SPAG16: variants seen among roughly 807,000 people sequenced by gnomAD.
The protein encoded by SPAG16 is sperm-associated antigen 16 protein.
A neutral mutation model predicts 80.4 loss-of-function variants in SPAG16; 86 were observed. The observed-to-expected ratio is 1.07, with a 90% CI of 0.90 to 1.28. The LOEUF is 1.28. SPAG16 is among the 50% of genes most tolerant of loss of function. SPAG16 has a pLI of 0.00. For missense variants in SPAG16, 870 were observed against 765.3 expected (o/e 1.14, Z -1.61); for synonymous variants, 294 against 265.9 (o/e 1.11, Z -1.03).
At chr2:214,062,017 A>ACG (rs1559748692) in intron 13 of SPAG16, among the ~76,000 whole-genome samples, 14 of 146,820 alleles carry the variant, frequency 9.5e-5, no homozygotes, top group Non-Finnish European at 1.8e-4. Flanking sequence ...ACACACACAC[A>ACG]CACGCAGTGT....
At chr2:213,975,606 A>T (rs1414348372) in intron 12 of SPAG16, among the ~76,000 whole-genome samples, 1 of 152,012 alleles carries the variant, frequency 6.6e-6, no homozygotes, top group African/African-American at 2.4e-5. Flanking sequence ...TCATATCAAT[A>T]ATAATGTAGC....
At chr2:213,718,165 A>AG (rs1553615703) in intron 10 of SPAG16, among the ~76,000 whole-genome samples, 30 of 151,304 alleles carry the variant, frequency 2.0e-4, no homozygotes, top group African/African-American at 4.8e-4. Flanking sequence ...AAAAAAAAAA[A>AG]AAAAGAAAAC....
chr2:213,549,504 C>T (rs1442932705), intron 10 of SPAG16, among the ~76,000 whole-genome samples: 4 of 152,146 alleles, frequency 2.6e-5, no homozygotes, highest in African/African-American at 7.2e-5. Flanking sequence ...TTGATTCTGA[C>T]TACTAAAAAT....
At chr2:213,709,215 A>T (rs1475915367) in intron 10 of SPAG16, among the ~76,000 whole-genome samples, 1 of 152,190 alleles carries the variant, frequency 6.6e-6, no homozygotes, top group Non-Finnish European at 1.5e-5. Context: ...CAAAGTTGAA[A>T]CATCAAGTAA....
chr2:213,544,538 C>T (rs191181818), intron 10 of SPAG16, among the ~76,000 whole-genome samples: 52 of 152,060 alleles, frequency 3.4e-4, no homozygotes, highest in African/African-American at 9.2e-4. Flanking sequence ...CACCAAAAGT[C>T]GTAGTTTACA....
intron 15 of SPAG16, among the ~76,000 whole-genome samples, chr2:214,303,455 C>A (rs1333704860): frequency 6.6e-6 from 1 of 152,128 alleles, no homozygotes; most frequent in Non-Finnish European, 1.5e-5. Flanking sequence ...GCCCTTATTT[C>A]TTTGAGCTTA....
chr2:213,802,395 CTCTATCTATCTATCTA>C (rs58879510), intron 10 of SPAG16, among the ~76,000 whole-genome samples: 22,484 of 148,074 alleles, frequency 0.15, 2,067 homozygotes, highest in South Asian at 0.22. Context: ...TGATTCATGT[CTCTATCTATCTATCTA>C]TCTATCTATC....
At chr2:213,645,985 G>C (rs1574632160) in intron 10 of SPAG16, among the ~76,000 whole-genome samples, 4 of 152,276 alleles carry the variant, frequency 2.6e-5, no homozygotes, top group South Asian at 4.1e-4. Flanking sequence ...CCCTCAGTGG[G>C]CCAGTGTCAG....
At chr2:214,359,090 T>C (rs897276041) in intron 15 of SPAG16, among the ~76,000 whole-genome samples, 3 of 151,878 alleles carry the variant, frequency 2.0e-5, no homozygotes, top group Admixed American at 2.0e-4. Context: ...ATTCCTATTT[T>C]ATAGAGAATA....
intron 15 of SPAG16, among the ~76,000 whole-genome samples, chr2:214,183,065 A>T (rs573776740): frequency 5.3e-5 from 8 of 152,058 alleles, no homozygotes; most frequent in African/African-American, 1.7e-4. Context: ...AATTAGTGAT[A>T]ATCTCCAGTT....
At chr2:213,323,710 A>G (rs1447924722) in intron 5 of SPAG16, among the ~76,000 whole-genome samples, 1 of 152,204 alleles carries the variant, frequency 6.6e-6, no homozygotes, top group African/African-American at 2.4e-5. Flanking sequence ...CAACAGCCAA[A>G]TTATAGAAAC....
At chr2:214,038,181 T>C (rs1234858952) in intron 13 of SPAG16, among the ~76,000 whole-genome samples, 4 of 152,190 alleles carry the variant, frequency 2.6e-5, no homozygotes, top group Non-Finnish European at 5.9e-5. Flanking sequence ...TTTTGTAATT[T>C]CTTTTGGTGT....
At chr2:213,562,894 C>CT (rs1254291823) in intron 10 of SPAG16, among the ~76,000 whole-genome samples, 1 of 152,200 alleles carries the variant, frequency 6.6e-6, no homozygotes, top group African/African-American at 2.4e-5. Flanking sequence ...AGCTAGCTCT[C>CT]TGAAGTCTCT....
At chr2:214,334,719 C>G (rs1697160249) in intron 15 of SPAG16, among the ~76,000 whole-genome samples, 1 of 152,192 alleles carries the variant, frequency 6.6e-6, no homozygotes, top group African/African-American at 2.4e-5. Context: ...TATGCCCTGC[C>G]CTTCTTTCAT....
intron 10 of SPAG16, among the ~76,000 whole-genome samples, chr2:213,516,164 T>C (rs1319145735): frequency 6.6e-6 from 1 of 152,194 alleles, no homozygotes; most frequent in African/African-American, 2.4e-5. Flanking sequence ...AAAATTCAGC[T>C]AATGCAGAGA....
intron 11 of SPAG16, among the ~76,000 whole-genome samples, chr2:213,868,131 GA>G (rs1194245049): frequency 1.3e-5 from 2 of 151,876 alleles, no homozygotes; most frequent in Admixed American, 6.6e-5. Flanking sequence ...GTTATAAACT[GA>G]AAACCAAATT....
chr2:213,947,103 G>T (rs901845598), intron 12 of SPAG16, among the ~76,000 whole-genome samples: 1 of 151,960 alleles, frequency 6.6e-6, no homozygotes, highest in Non-Finnish European at 1.5e-5. Flanking sequence ...CTCCTTGAAG[G>T]ATATCTGGAA....
chr2:213,454,963 T>A (rs903270970), intron 9 of SPAG16, among the ~76,000 whole-genome samples: 2 of 152,232 alleles, frequency 1.3e-5, no homozygotes, highest in African/African-American at 2.4e-5. Context: ...ATAGTTTTGT[T>A]TGATTCTGTG....
chr2:213,883,156 C>T (rs2662647), intron 11 of SPAG16, among the ~76,000 whole-genome samples: 133,725 of 152,256 alleles, frequency 0.88, 61,370 homozygotes, highest in East Asian at 1. Context: ...AATATAAACT[C>T]TCCTCTTAAC....
Sources: allele counts gnomAD v4.1 joint callset (sites outside exome capture counted in the v4.1 genomes callset), GRCh38; gene constraint gnomAD v4.1.1; transcripts MANE v1.5; gene names NCBI Gene and HGNC (gene_info 2026-07-23, HGNC 2026-07-21).